Variants in HORMAD1 observed in about 807,000 individuals in gnomAD.
HORMAD1 encodes the protein HORMA domain containing 1.
A neutral mutation model predicts 58.2 loss-of-function variants in HORMAD1; 33 were observed. That is an observed-to-expected ratio of 0.57 (90% CI 0.43 to 0.76). The LOEUF (loss-of-function observed/expected upper bound fraction) is 0.76, where lower values mean the gene tolerates loss of function less well. Among genes scored for constraint, HORMAD1 ranks in the 30% least tolerant of loss-of-function variants. The pLI is 0.00. For missense variants in HORMAD1, 363 were observed against 462.0 expected, an observed-to-expected ratio of 0.79 and a Z score of 1.96; for synonymous variants, 137 against 144.6, an observed-to-expected ratio of 0.95 and a Z score of 0.38.
chr1:150,699,493 T>A (rs1651469183), intron 14 of HORMAD1, among the ~76,000 whole-genome samples: 1 of 151,898 alleles, frequency 6.6e-6, no homozygotes, highest in South Asian at 2.1e-4. Flanking sequence ...TGTCACTTTC[T>A]CATTCTATAT....
At chr1:150,711,089 G>A (rs191132704) in intron 7 of HORMAD1, among the ~76,000 whole-genome samples, 31 of 152,190 alleles carry the variant, frequency 2.0e-4, no homozygotes, top group African/African-American at 7.5e-4. Flanking sequence ...TTTCCCCCTT[G>A]TTTCTTATCT....
At chr1:150,719,347 A>G in intron 2 of HORMAD1, 126 bp downstream of exon 2, 2 of 647,286 alleles carry the variant, frequency 3.1e-6, no homozygotes, top group Admixed American at 2.9e-5. Context: ...TTCTTAAAAC[A>G]TGCAGTTTCC....
At chr1:150,716,840 G>A (rs1652095576) in intron 3 of HORMAD1, among the ~76,000 whole-genome samples, 1 of 151,194 alleles carries the variant, frequency 6.6e-6, no homozygotes, top group African/African-American at 2.4e-5. Context: ...GCGGGCGCCT[G>A]TAGTCCCAGC....
At chr1:150,719,428 A>C (rs1404900542) in intron 2 of HORMAD1, 45 bp downstream of exon 2, 2 of 1,243,094 alleles carry the variant, frequency 1.6e-6, no homozygotes, top group Non-Finnish European at 2.3e-6. Flanking sequence ...AAGAAACAAT[A>C]AAAGCAGCTA....
At chr1:150,719,597 T>G in intron 1 of HORMAD1, 59 bp from the exon 2 acceptor site, 1 of 765,030 alleles carries the variant, frequency 1.3e-6, no homozygotes, top group Non-Finnish European at 2.1e-6. Flanking sequence ...AACATTTCAG[T>G]TTACCACATA....
intron 13 of HORMAD1, among the ~76,000 whole-genome samples, chr1:150,701,463 C>T (rs1406565367): frequency 6.6e-6 from 1 of 152,048 alleles, no homozygotes; most frequent in African/African-American, 2.4e-5. Flanking sequence ...GTTTAATAAC[C>T]AGCTCTAGGA....
At chr1:150,714,392 G>A (rs1652005790) in intron 4 of HORMAD1, among the ~76,000 whole-genome samples, 1 of 152,058 alleles carries the variant, frequency 6.6e-6, no homozygotes, top group Non-Finnish European at 1.5e-5. Flanking sequence ...CTTGCATGGG[G>A]CACAAAATAA....
rs185153563 is a variant in HORMAD1 at position 150,708,385 on chromosome 1, T to C, written c.418A>G (p.Ser140Gly). The C allele has an allele frequency of 1.9e-6, 3 of 1,602,114 alleles. No individual in the cohort carries two copies. Among genetic ancestry groups the C allele is most frequent in the Middle Eastern group, 1.7e-4 (1 of 5,910 alleles). The change falls in exon 9 of 15, where the codon AGC (serine) becomes GGC (glycine). Residue 140 changes from serine to glycine, a missense_variant. Physicochemically the swap from Ser to Gly is moderately conservative, Grantham distance 56. Around this residue, in one of 3 missense-constraint regions of HORMAD1, gnomAD observed 128 missense variants for 171.8 expected, o/e 0.74. Transcript: ENST00000361824. The part of the protein sequence containing the change: ...FISKNQSNES[S>G]MLSTDTKKAS... Reference sequence around the variant, plus strand: ...TTCTTGGTGTCAGTAGACAACATGCTAGATTCGTTGCTTTGGTTTTTACTA... The same window carrying C: ...TTCTTGGTGTCAGTAGACAACATGCCAGATTCGTTGCTTTGGTTTTTACTA...
At chr1:150,714,052 G>GAA in intron 5 of HORMAD1, 33 bp downstream of exon 5, 1 of 1,325,450 alleles carries the variant, frequency 7.5e-7, no homozygotes, top group Non-Finnish European at 1.1e-6. Context: ...ATAAACTGTA[G>GAA]AAAAAAAAGG....
At chr1:150,709,087 C>T (rs1382623172) in intron 7 of HORMAD1, 126 bp from the exon 8 acceptor site, 1 of 627,184 alleles carries the variant, frequency 1.6e-6, no homozygotes, top group Non-Finnish European at 2.9e-6. Context: ...CCCTATTGAT[C>T]CATTGAAACT....
chr1:150,712,327 C>T (rs904093407), intron 5 of HORMAD1, among the ~76,000 whole-genome samples: 5 of 152,092 alleles, frequency 3.3e-5, no homozygotes, highest in African/African-American at 1.2e-4. Context: ...ATCTAAGAGT[C>T]ATCCTTGATT....
intron 13 of HORMAD1, chr1:150,701,971 T>C (rs1246026278): frequency 1.3e-5 from 2 of 152,084 alleles, no homozygotes; most frequent in Admixed American, 1.3e-4. Flanking sequence ...TTCCATATTT[T>C]TCAGAGTGAA....
intron 7 of HORMAD1, among the ~76,000 whole-genome samples, chr1:150,709,859 T>C (rs1037283137): frequency 6.6e-6 from 1 of 152,186 alleles, no homozygotes; most frequent in African/African-American, 2.4e-5. Context: ...ACTGAGATGT[T>C]TGGGTGGTGA....
chr1:150,711,537 A>G lies in HORMAD1; in HGVS notation c.327+8T>C. 6.3e-7 allele frequency: 1 copy of G among 1,592,992 alleles called. No individual in the cohort carries two copies. Among genetic ancestry groups the G allele is most frequent in the Non-Finnish European group, 8.6e-7 (1 of 1,161,464 alleles). ...ATTATGTTTCTTTAGTAACTCAAGC[A>G]CACTTACCTGAGGATCTTCTGGGTT... On this transcript the variant is annotated splice_region_variant and intron_variant, in intron 7 of 14. Transcript: ENST00000361824.
intron 12 of HORMAD1, among the ~76,000 whole-genome samples, chr1:150,703,737 C>T (rs907715898): frequency 6.6e-6 from 1 of 152,128 alleles, no homozygotes; most frequent in Non-Finnish European, 1.5e-5. Context: ...GTTCATATTA[C>T]CTAAATCTCT....
intron 14 of HORMAD1, among the ~76,000 whole-genome samples, 153 bp downstream of exon 14, chr1:150,699,959 T>C (rs1651488507): frequency 6.6e-6 from 1 of 152,166 alleles, no homozygotes; most frequent in South Asian, 2.1e-4. Flanking sequence ...ATCACCTCGA[T>C]TTTTAGAACA....
At chr1:150,700,289 C>T in intron 13 of HORMAD1, 106 bp from the exon 14 acceptor site, 1 of 643,582 alleles carries the variant, frequency 1.6e-6, no homozygotes, top group Non-Finnish European at 2.7e-6. Flanking sequence ...TATTTATTTA[C>T]TTTTTAGGGA....
At chr1:150,708,866 A>C in intron 8 of HORMAD1, 28 bp downstream of exon 8, 1 of 1,174,146 alleles carries the variant, frequency 8.5e-7, no homozygotes. Flanking sequence ...GTAATCTGTA[A>C]TACAAACAGA....
At chr1:150,700,917 A>G (rs998928863) in intron 13 of HORMAD1, among the ~76,000 whole-genome samples, 3 of 152,152 alleles carry the variant, frequency 2.0e-5, no homozygotes, top group African/African-American at 7.2e-5. Flanking sequence ...CTGTATATAT[A>G]GTTATTAAAA....
Sources: gnomAD v4.1 joint callset for allele counts (sites outside exome capture counted in the v4.1 genomes callset) on GRCh38, gnomAD v4.1.1 for gene constraint, gnomAD v4.1.1 regional missense constraint, MANE v1.5 for transcripts, NCBI Gene and HGNC (gene_info 2026-07-23, HGNC 2026-07-21) for gene names.